Variants in CMC1 observed in about 807,000 individuals in gnomAD.
CMC1 encodes C-X9-C motif containing 1, also known as COX assembly mitochondrial protein homolog.
A neutral mutation model predicts 14.1 loss-of-function variants in CMC1; 14 were observed. That is an observed-to-expected ratio of 0.99 (90% confidence interval 0.66 to 1.55). The LOEUF is 1.55. Ranked by LOEUF, CMC1 falls within the 40% of genes most tolerant of loss-of-function variation. The pLI is 0.00. For synonymous variants in CMC1, 50 were observed against 38.4 expected, an observed-to-expected ratio of 1.30 and a Z score of -1.12; for missense variants, 127 against 123.8, an observed-to-expected ratio of 1.03 and a Z score of -0.12.
intron 2 of CMC1, among the ~76,000 whole-genome samples, chr3:28,267,144 T>A (rs947695594): frequency 3.3e-5 from 5 of 152,174 alleles, no homozygotes; most frequent in African/African-American, 9.7e-5. Flanking sequence ...CTTCACTAAT[T>A]AAATGATTTA....
chr3:28,294,459 G>A, intron 2 of CMC1: 2 of 975,612 alleles, frequency 2.0e-6, no homozygotes, highest in South Asian at 4.7e-5. Context: ...GTGAAACATT[G>A]CAGATGTTAG....
intron 2 of CMC1, among the ~76,000 whole-genome samples, chr3:28,272,174 G>A (rs966934627): frequency 6.6e-6 from 1 of 152,178 alleles, no homozygotes; most frequent in African/African-American, 2.4e-5. Flanking sequence ...TGTAAACAGA[G>A]ACAGTTTGAC....
At chr3:28,297,755 G>C (rs1215525209) in intron 2 of CMC1, among the ~76,000 whole-genome samples, 1 of 151,982 alleles carries the variant, frequency 6.6e-6, no homozygotes, top group East Asian at 1.9e-4. Context: ...CCTCAGATCT[G>C]ATGATTCTGT....
At chr3:28,305,551 A>T (rs1702261049) in intron 2 of CMC1, among the ~76,000 whole-genome samples, 1 of 151,980 alleles carries the variant, frequency 6.6e-6, no homozygotes, top group Non-Finnish European at 1.5e-5. Context: ...CCCTTTCTCC[A>T]CATCCTCAAC....
intron 1 of CMC1, among the ~76,000 whole-genome samples, chr3:28,257,228 TA>T (rs1354876785): frequency 6.6e-6 from 1 of 152,210 alleles, no homozygotes; most frequent in African/African-American, 2.4e-5. Context: ...GTATATATCC[TA>T]ATTAAGACAT....
At chr3:28,290,412 A>T (rs1310353240) in intron 2 of CMC1, among the ~76,000 whole-genome samples, 1 of 152,148 alleles carries the variant, frequency 6.6e-6, no homozygotes, top group Non-Finnish European at 1.5e-5. Flanking sequence ...TCTGTACCTC[A>T]GAACTTTGTA....
intron 1 of CMC1, among the ~76,000 whole-genome samples, chr3:28,249,804 T>C (rs1699032061): frequency 6.9e-6 from 1 of 144,182 alleles, no homozygotes; most frequent in Non-Finnish European, 1.6e-5. Flanking sequence ...TTAAAAAATG[T>C]ACATTAATTT....
chr3:28,307,150 A>C (rs568482100), intron 2 of CMC1, among the ~76,000 whole-genome samples: 3 of 152,344 alleles, frequency 2.0e-5, no homozygotes, highest in African/African-American at 7.2e-5. Context: ...ATGAAAGAGT[A>C]CTGCGTTGCC....
At position 28,274,212 on chromosome 3, in the gene CMC1, G is replaced by GTT. The variant is rs376321066; in HGVS notation, c.109+10838_109+10839dup. On this transcript the variant is annotated intron_variant, in intron 2 of 3. Transcript: ENST00000466830. ...TTGGTCTTTGTACTAAAGTGTTTTT[G>GTT]TTTTTTTCTTTTTTTTTTTTTTTGC... 2.6e-4 allele frequency among the ~76,000 whole-genome samples: 23 copies of GTT among 88,164 alleles called. 1 individual carries two copies. The highest frequency in any genetic ancestry group is 5.7e-3 in the Middle Eastern group (1 of 176). 57.8% of individuals were successfully genotyped at this position (88,164 alleles called of 152,430 possible).
chr3:28,285,185 T>G (rs1209148157), intron 2 of CMC1, among the ~76,000 whole-genome samples: 2 of 152,202 alleles, frequency 1.3e-5, no homozygotes, highest in Non-Finnish European at 2.9e-5. Context: ...CCAGCATGTG[T>G]GTGTATTCTC....
chr3:28,279,633 A>G (rs1246898336), intron 2 of CMC1, among the ~76,000 whole-genome samples: 2 of 150,982 alleles, frequency 1.3e-5, no homozygotes, highest in Non-Finnish European at 3.0e-5. Flanking sequence ...AATAAAAAAG[A>G]CCCAAATATA....
At chr3:28,257,373 T>C (rs1699469345) in intron 1 of CMC1, among the ~76,000 whole-genome samples, 1 of 152,216 alleles carries the variant, frequency 6.6e-6, no homozygotes, top group Admixed American at 6.5e-5. Flanking sequence ...CAAATGTTTT[T>C]GAGATTCACC....
intron 2 of CMC1, chr3:28,316,127 C>T (rs1296797378): frequency 2.7e-6 from 1 of 365,982 alleles, no homozygotes; most frequent in Non-Finnish European, 4.9e-6. Flanking sequence ...TACTGGTGTA[C>T]ATGTCTTTTG....
intron 2 of CMC1, among the ~76,000 whole-genome samples, chr3:28,265,437 T>C (rs184951817): frequency 2.6e-5 from 4 of 152,246 alleles, no homozygotes; most frequent in East Asian, 1.9e-4. Flanking sequence ...GACATTTCCA[T>C]TGTAGTTTAT....
chr3:28,279,040 C>G (rs898563027), intron 2 of CMC1, among the ~76,000 whole-genome samples: 5 of 152,092 alleles, frequency 3.3e-5, no homozygotes, highest in Non-Finnish European at 7.4e-5. Flanking sequence ...TTGGCATGGC[C>G]TAGTAGCTCC....
intron 1 of CMC1, among the ~76,000 whole-genome samples, chr3:28,244,382 A>T (rs1698698765): frequency 1.3e-5 from 2 of 152,326 alleles, no homozygotes; most frequent in South Asian, 4.1e-4. Context: ...ATACAGCGTC[A>T]TGAGGAGAAA....
chr3:28,244,192 T>C (rs1698685769), intron 1 of CMC1, among the ~76,000 whole-genome samples: 1 of 152,204 alleles, frequency 6.6e-6, no homozygotes, highest in Non-Finnish European at 1.5e-5. Context: ...TTAGAATCTT[T>C]TAAAGAGGGC....
intron 2 of CMC1, among the ~76,000 whole-genome samples, chr3:28,266,942 C>A (rs1700033252): frequency 6.6e-6 from 1 of 152,084 alleles, no homozygotes; most frequent in Non-Finnish European, 1.5e-5. Flanking sequence ...AAGGAAAACC[C>A]TAGAATGGCC....
intron 2 of CMC1, among the ~76,000 whole-genome samples, chr3:28,292,157 G>A (rs1229671336): frequency 1.3e-5 from 2 of 152,002 alleles, no homozygotes; most frequent in African/African-American, 2.4e-5. Context: ...GGCATGTTGA[G>A]CCTTGCCAAA....
Sources: allele counts gnomAD v4.1 joint callset (sites outside exome capture counted in the v4.1 genomes callset), GRCh38; gene constraint gnomAD v4.1.1; transcripts MANE v1.5; gene names NCBI Gene and HGNC (gene_info 2026-07-23, HGNC 2026-07-21).